The following PCP4L1 variants were observed in gnomAD, a reference collection of about 807,000 sequenced individuals.
PCP4L1 encodes the protein Purkinje cell protein 4 like 1, also known as Purkinje cell protein 4-like protein 1.
A neutral mutation model predicts 9.6 loss-of-function variants in PCP4L1; 9 were observed. The ratio of observed to expected loss-of-function variants is 0.94; its 90% confidence interval spans 0.57 to 1.64. The LOEUF is 1.64. Among genes scored for constraint, PCP4L1 ranks in the 40% most tolerant of loss-of-function variants. The pLI is 0.00. For synonymous variants in PCP4L1, 31 were observed against 28.2 expected, an observed-to-expected ratio of 1.10 and a Z score of -0.31; for missense variants, 81 against 80.8, an observed-to-expected ratio of 1.00 and a Z score of -0.01.
intron 1 of PCP4L1, among the ~76,000 whole-genome samples, chr1:161,260,476 C>G (rs1049694129): frequency 6.6e-6 from 1 of 152,184 alleles, no homozygotes; most frequent in Non-Finnish European, 1.5e-5. Context: ...CATACTACTC[C>G]TCCCACCCCG....
intron 1 of PCP4L1, among the ~76,000 whole-genome samples, chr1:161,264,517 A>G (rs977103869): frequency 6.6e-6 from 1 of 150,854 alleles, no homozygotes; most frequent in African/African-American, 2.4e-5. Context: ...TCTGTCTAAG[A>G]AAAAAAAGAA....
Position 161,283,675 on chromosome 1 carries a change from C to A in PCP4L1, c.17C>A (p.Thr6Asn). 2 of 1,600,552 alleles carry A rather than the reference C, an allele frequency of 1.2e-6. No individual in the cohort carries two copies. The highest frequency in any genetic ancestry group is 1.3e-5 in the African/African-American group (1 of 74,716). The change falls in exon 2 of 3, where the codon ACC (threonine) becomes AAC (asparagine). Residue 6 changes from threonine (T) to asparagine (N), a missense_variant. By Grantham distance (65) the Thr-to-Asn change is moderately conservative. Transcript: ENST00000504449. Reference protein sequence around the residue: MSELNTKTSPATNQAA... With the variant: MSELNNKTSPATNQAA... ...TCCTAATATTTTTTCCAGCTTAATA[C>A]CAAAACATCCCCAGCAACCAACCAG...
At chr1:161,277,148 T>C (rs2102238981) in intron 1 of PCP4L1, among the ~76,000 whole-genome samples, 1 of 152,252 alleles carries the variant, frequency 6.6e-6, no homozygotes, top group East Asian at 1.9e-4. Flanking sequence ...ACAAGATCAA[T>C]ATATAAAAAT....
At chr1:161,280,482 G>A (rs1669774981) in intron 1 of PCP4L1, among the ~76,000 whole-genome samples, 1 of 152,144 alleles carries the variant, frequency 6.6e-6, no homozygotes, top group South Asian at 2.1e-4. Context: ...GTGACCTCAT[G>A]TCTGCCAAAA....
chr1:161,267,713 G>GTTTTTGT (rs71715010), intron 1 of PCP4L1, among the ~76,000 whole-genome samples: 24,036 of 149,024 alleles, frequency 0.16, 2,080 homozygotes, highest in African/African-American at 0.21. Context: ...ACTATGTTTT[G>GTTTTTGT]TTTTTGTTTT....
intron 1 of PCP4L1, among the ~76,000 whole-genome samples, chr1:161,272,815 G>T (rs1047294470): frequency 6.6e-6 from 1 of 152,110 alleles, no homozygotes; most frequent in African/African-American, 2.4e-5. Context: ...CTGAGGAGGA[G>T]AAGGGTGATG....
chr1:161,275,241 G>T (rs1050823867), intron 1 of PCP4L1, among the ~76,000 whole-genome samples: 9 of 152,158 alleles, frequency 5.9e-5, no homozygotes, highest in Non-Finnish European at 1.3e-4. Flanking sequence ...CAGTGGCCGG[G>T]TGTGGTGGCT....
intron 1 of PCP4L1, among the ~76,000 whole-genome samples, chr1:161,276,747 G>T (rs970411268): frequency 2.2e-5 from 3 of 138,734 alleles, no homozygotes; most frequent in Non-Finnish European, 4.6e-5. Flanking sequence ...GTATATATGT[G>T]TATATATGTA....
chr1:161,270,996 G>A (rs1252488983), intron 1 of PCP4L1, among the ~76,000 whole-genome samples: 1 of 152,114 alleles, frequency 6.6e-6, no homozygotes, highest in Non-Finnish European at 1.5e-5. Flanking sequence ...AATTCAGGTT[G>A]TTTCCAGTTT....
At chr1:161,282,033 G>C (rs977115823) in intron 1 of PCP4L1, among the ~76,000 whole-genome samples, 3 of 152,184 alleles carry the variant, frequency 2.0e-5, no homozygotes, top group Non-Finnish European at 2.9e-5. Flanking sequence ...GGCCAAGGCA[G>C]GCTGCTGGGA....
intron 1 of PCP4L1, among the ~76,000 whole-genome samples, chr1:161,266,702 T>C (rs1264301788): frequency 1.3e-5 from 2 of 152,118 alleles, no homozygotes; most frequent in East Asian, 3.8e-4. Context: ...ATAGTATATA[T>C]ATTAAGAGAG....
intron 1 of PCP4L1, among the ~76,000 whole-genome samples, chr1:161,267,438 A>T (rs1312291416): frequency 6.6e-6 from 1 of 152,196 alleles, no homozygotes; most frequent in Non-Finnish European, 1.5e-5. Flanking sequence ...ATATGGGGAA[A>T]TCTGGATAGT....
In PCP4L1 at chr1:161,260,295, C is replaced by T. The variant is rs571765243; in HGVS notation, c.9+1312C>T. ...ACTAATTTTATCCTGGAAAATTCGG[C>T]TAGTCTGGGGGCTGCAGATGAACCA... On this transcript the variant is annotated intron_variant, in intron 1 of 2. Coordinates refer to ENST00000504449, the MANE Select transcript of PCP4L1 (RefSeq NM_001102566.2). 8.0e-4 allele frequency among the ~76,000 whole-genome samples: 122 copies of T among 152,322 alleles called. 1 individual carries two copies. The highest frequency in any genetic ancestry group is 1.6e-3 in the Non-Finnish European group (106 of 68,024).
intron 1 of PCP4L1, among the ~76,000 whole-genome samples, chr1:161,269,470 T>C (rs1669586482): frequency 6.6e-6 from 1 of 152,108 alleles, no homozygotes; most frequent in Non-Finnish European, 1.5e-5. Context: ...ATTTCAGAAG[T>C]TTAGATGAGG....
chr1:161,278,305 A>G (rs544676572), intron 1 of PCP4L1, among the ~76,000 whole-genome samples: 80 of 152,208 alleles, frequency 5.3e-4, no homozygotes, highest in Admixed American at 1.6e-3. Context: ...TATCTCCATC[A>G]CTACCACCCT....
chr1:161,259,898 C>T (rs1401852553), intron 1 of PCP4L1, among the ~76,000 whole-genome samples: 5 of 152,222 alleles, frequency 3.3e-5, no homozygotes, highest in African/African-American at 1.2e-4. Flanking sequence ...TGTAGGCCAG[C>T]TACTTACCTG....
chr1:161,262,621 G>A (rs1669438889), intron 1 of PCP4L1, among the ~76,000 whole-genome samples: 2 of 152,152 alleles, frequency 1.3e-5, no homozygotes, highest in South Asian at 4.1e-4. Context: ...CTGGAAATAT[G>A]GATGATTCTT....
At chr1:161,267,415 A>G (rs1298355014) in intron 1 of PCP4L1, among the ~76,000 whole-genome samples, 1 of 152,218 alleles carries the variant, frequency 6.6e-6, no homozygotes, top group Admixed American at 6.5e-5. Context: ...TAAAGAGCCC[A>G]GTGGGCTGAG....
chr1:161,274,211 G>C (rs1669666063), intron 1 of PCP4L1, among the ~76,000 whole-genome samples: 1 of 152,154 alleles, frequency 6.6e-6, no homozygotes, highest in South Asian at 2.1e-4. Flanking sequence ...TGAAATCCTT[G>C]ATTTCTTCCA....
Sources: gnomAD v4.1 joint callset for allele counts (sites outside exome capture counted in the v4.1 genomes callset) on GRCh38, gnomAD v4.1.1 for gene constraint, MANE v1.5 for transcripts, NCBI Gene and HGNC (gene_info 2026-07-23, HGNC 2026-07-21) for gene names.